PCSK5: variants seen among roughly 807,000 people sequenced by gnomAD.
PCSK5 encodes the protein prohormone convertase 5.
A neutral mutation model predicts 233.2 loss-of-function variants in PCSK5; 129 were observed. That is an observed-to-expected ratio of 0.55 (90% CI 0.48 to 0.64). The LOEUF (loss-of-function observed/expected upper bound fraction) is 0.64. Ranked by LOEUF, PCSK5 falls within the 30% of genes least tolerant of loss-of-function variation. The pLI is 0.00. For missense variants in PCSK5, 2,076 were observed against 2,430.1 expected (o/e 0.85, Z 3.06); for synonymous variants, 825 against 879.2 (o/e 0.94, Z 1.09).
intron 8 of PCSK5, among the ~76,000 whole-genome samples, chr9:76,100,341 T>C (rs1232987480): frequency 6.6e-6 from 1 of 152,270 alleles, no homozygotes; most frequent in Non-Finnish European, 1.5e-5. Flanking sequence ...AATACATTTA[T>C]ATATTAACAT....
At chr9:75,896,539 A>G (rs1307660671) in intron 1 of PCSK5, among the ~76,000 whole-genome samples, 5 of 152,172 alleles carry the variant, frequency 3.3e-5, no homozygotes, top group Non-Finnish European at 7.3e-5. Context: ...AGTTATGTGA[A>G]GCAGTGTCTG....
chr9:76,351,523 A>AGAAAG lies in PCSK5; in HGVS notation c.5067+596_5067+600dup, dbSNP rs1554724828. On this transcript the variant is annotated intron_variant, in intron 36 of 37. Transcript: ENST00000674117. The stretch of plus-strand genomic sequence containing the variant: ...AAGAAAGAAAGAAAGAAAGAAAGAA[A>AGAAAG]GAAAGAAAGGAAGGAAAGAAAGAGA... 1.7e-3 allele frequency among the ~76,000 whole-genome samples: 127 copies of AGAAAG among 74,424 alleles called. 16 individuals are homozygous for AGAAAG. Among genetic ancestry groups the AGAAAG allele is most frequent in the African/African-American group, 4.9e-3 (124 of 25,346 alleles). The allele number at this position is 74,424 out of a possible 152,430, so 48.8% of individuals were successfully genotyped here. A position where few individuals can be genotyped will look rare whatever the true frequency, so the allele number is the denominator to read the frequency against.
intron 20 of PCSK5, among the ~76,000 whole-genome samples, chr9:76,213,524 G>T (rs1162409508): frequency 6.6e-6 from 1 of 151,930 alleles, no homozygotes; most frequent in Non-Finnish European, 1.5e-5. Context: ...TGGTTGTAGT[G>T]GTTCCACTCC....
chr9:76,336,518 A>G (rs1000674451), intron 34 of PCSK5, among the ~76,000 whole-genome samples: 74 of 152,186 alleles, frequency 4.9e-4, no homozygotes, highest in African/African-American at 1.7e-3. Context: ...TTAATGCACT[A>G]TTTTGTTGTA....
chr9:76,014,343 A>G lies in PCSK5; in HGVS notation c.412-9395A>G, dbSNP rs963582577. 1.1e-4 allele frequency among the ~76,000 whole-genome samples: 16 copies of G among 152,304 alleles called. 1 individual carries two copies. In the Middle Eastern group the frequency reaches 0.01, roughly 97 times the overall value. ...GAAAACATTTTAGTTGAGATCATCCATAAGCAAACACGATTAACTAATGTA... is the reference window on the plus strand; with the variant it reads ...GAAAACATTTTAGTTGAGATCATCCGTAAGCAAACACGATTAACTAATGTA... On this transcript the variant is annotated intron_variant, in intron 3 of 37. Transcript: ENST00000674117.
chr9:76,277,940 A>G (rs1001259602), intron 24 of PCSK5, among the ~76,000 whole-genome samples: 12 of 152,202 alleles, frequency 7.9e-5, no homozygotes, highest in Non-Finnish European at 1.5e-4. Flanking sequence ...AAATTTGTAC[A>G]GCGTTGCTCA....
intron 8 of PCSK5, 52 bp downstream of exon 8, chr9:76,096,154 G>A (rs1831498268): frequency 1.7e-6 from 2 of 1,157,648 alleles, no homozygotes; most frequent in Admixed American, 1.8e-5. Flanking sequence ...TGTTCACTTT[G>A]AAATACAAAG....
rs773208126 is a variant in PCSK5, at chr9:76,175,246, G to GAATC, written c.1900+117_1900+118insAATC. The GAATC allele has an allele frequency of 1.0e-4, 70 of 669,134 alleles. 1 individual carries two copies. In the Admixed American group the frequency reaches 1.4e-3, roughly 14 times the overall value. 41.4% of individuals were successfully genotyped at this position (669,134 alleles called of 1,614,324 possible). A position where few individuals can be genotyped will look rare whatever the true frequency, so the allele number is the denominator to read the frequency against. ...GAAATGGAATGGAATGAAATGGAAT[G>GAATC]GAATGGAATGGAATGGAATGGAATG... On this transcript the variant is annotated intron_variant, in intron 14 of 37. Transcript: ENST00000674117.
At chr9:76,041,966 C>G (rs1343809920) in intron 5 of PCSK5, among the ~76,000 whole-genome samples, 1 of 152,080 alleles carries the variant, frequency 6.6e-6, no homozygotes, top group Non-Finnish European at 1.5e-5. Flanking sequence ...AATAGCATAC[C>G]TTATTCAATA....
At chr9:76,309,952 A>G (rs981305) in intron 29 of PCSK5, among the ~76,000 whole-genome samples, 1 of 152,084 alleles carries the variant, frequency 6.6e-6, no homozygotes, top group Non-Finnish European at 1.5e-5. Flanking sequence ...TGTTAAAGGG[A>G]GAGTTGGGTG....
intron 2 of PCSK5, among the ~76,000 whole-genome samples, chr9:75,978,121 C>CT (rs1484932390): frequency 2.0e-5 from 3 of 152,062 alleles, no homozygotes; most frequent in African/African-American, 7.2e-5. Flanking sequence ...TTTTTGGCTC[C>CT]TTTTTTTCCA....
At chr9:76,025,282 C>T (rs1304159307) in intron 4 of PCSK5, among the ~76,000 whole-genome samples, 4 of 152,026 alleles carry the variant, frequency 2.6e-5, no homozygotes, top group Non-Finnish European at 5.9e-5. Context: ...TGCAGTGGCT[C>T]ACACCTGTAA....
intron 20 of PCSK5, among the ~76,000 whole-genome samples, chr9:76,220,526 C>CAAAAAA (rs57063521): frequency 9.9e-6 from 1 of 100,512 alleles, no homozygotes; most frequent in South Asian, 3.8e-4. Flanking sequence ...GACTCTGTCT[C>CAAAAAA]AAAAAAAAAA....
In PCSK5 at chr9:76,179,692, A is replaced by G. The variant is rs762557903; in HGVS notation, c.1997A>G (p.Asn666Ser). 2.4e-5 allele frequency: 38 copies of G among 1,608,748 alleles called. No homozygotes were observed. Among genetic ancestry groups the G allele is most frequent in the Non-Finnish European group, 3.2e-5 (38 of 1,175,302 alleles). ...CLHYYYKLKN[N>S]TRICVSSCPP... ...CACTACTACTACAAGCTGAAAAACA[A>G]TACCAGGTAAGAGAGGTGCCAAGTC... Residue 666 changes from asparagine (N) to serine (S), a missense_variant, in exon 15 of 38, where the codon AAT becomes AGT. Physicochemically the swap from Asn to Ser is conservative, Grantham distance 46. Transcript: ENST00000674117.
At chr9:75,897,020 C>T (rs531927291) in intron 1 of PCSK5, among the ~76,000 whole-genome samples, 1 of 152,198 alleles carries the variant, frequency 6.6e-6, no homozygotes, top group East Asian at 1.9e-4. Flanking sequence ...ATTCCAGGGT[C>T]TTTACTTTTA....
chr9:75,926,687 C>T (rs983592349), intron 1 of PCSK5, among the ~76,000 whole-genome samples: 3 of 152,150 alleles, frequency 2.0e-5, no homozygotes, highest in African/African-American at 4.8e-5. Context: ...TTAATGGAAT[C>T]ATATGGTATG....
chr9:75,951,587 A>G (rs1824857917), intron 2 of PCSK5, among the ~76,000 whole-genome samples: 1 of 152,190 alleles, frequency 6.6e-6, no homozygotes, highest in Admixed American at 6.5e-5. Context: ...GCTTTTCAAC[A>G]GTTTATGGCA....
chr9:75,933,875 TTGG>T (rs1360279378), intron 2 of PCSK5, among the ~76,000 whole-genome samples: 1 of 152,216 alleles, frequency 6.6e-6, no homozygotes, highest in African/African-American at 2.4e-5. Flanking sequence ...TTCTTGAACT[TTGG>T]TAATTAAAAC....
chr9:76,281,545 G>C (rs1375679332), intron 24 of PCSK5, among the ~76,000 whole-genome samples: 2 of 152,194 alleles, frequency 1.3e-5, no homozygotes, highest in African/African-American at 4.8e-5. Flanking sequence ...AATGTACCTG[G>C]TCACCTAAGA....
Sources: gnomAD v4.1 joint callset for allele counts (sites outside exome capture counted in the v4.1 genomes callset) on GRCh38, gnomAD v4.1.1 for gene constraint, MANE v1.5 for transcripts, NCBI Gene and HGNC (gene_info 2026-07-23, HGNC 2026-07-21) for gene names.